ANKFN1: variants seen among roughly 807,000 people sequenced by gnomAD.
ANKFN1 encodes the protein ankyrin repeat and fibronectin type III domain containing 1, also known as ankyrin repeat and fibronectin type-III domain-containing protein 1.
In ANKFN1, 74 loss-of-function variants were observed where a neutral mutation model predicts 108.7. That is an observed-to-expected ratio of 0.68 (90% CI 0.56 to 0.83). The LOEUF is 0.83. Among genes scored for constraint, ANKFN1 ranks in the 40% least tolerant of loss-of-function variants. ANKFN1 has a pLI of 0.00. For synonymous variants in ANKFN1, 547 were observed against 516.2 expected, an observed-to-expected ratio of 1.06 and a Z score of -0.81; for missense variants, 1,505 against 1,382.3, an observed-to-expected ratio of 1.09 and a Z score of -1.41.
At chr17:56,126,488 A>G (rs1745389495) in intron 4 of ANKFN1, among the ~76,000 whole-genome samples, 1 of 151,522 alleles carries the variant, frequency 6.6e-6, no homozygotes, top group African/African-American at 2.4e-5. Context: ...GGATGGCTCC[A>G]TATGTTTACC....
chr17:56,320,076 C>T (rs951049004), intron 3 of ANKFN1, among the ~76,000 whole-genome samples: 5 of 152,162 alleles, frequency 3.3e-5, no homozygotes, highest in African/African-American at 1.2e-4. Context: ...TGAGTTTCCT[C>T]ATCGATAAAA....
intron 4 of ANKFN1, among the ~76,000 whole-genome samples, chr17:56,106,586 T>A (rs1000471943): frequency 6.6e-6 from 1 of 152,230 alleles, no homozygotes; most frequent in Non-Finnish European, 1.5e-5. Flanking sequence ...GATAGAGGGT[T>A]GGAATCTGAA....
chr17:56,507,581 T>C (rs576547372), intron 20 of ANKFN1, among the ~76,000 whole-genome samples: 5 of 152,354 alleles, frequency 3.3e-5, no homozygotes, highest in African/African-American at 9.6e-5. Context: ...CCCTCCTTGA[T>C]GTTTTGGCTT....
chr17:56,278,375 T>G (rs1449920387), intron 3 of ANKFN1, among the ~76,000 whole-genome samples: 1 of 152,216 alleles, frequency 6.6e-6, no homozygotes, highest in Non-Finnish European at 1.5e-5. Flanking sequence ...AATTAGGAAT[T>G]AAGTACATGT....
At chr17:56,197,038 T>G (rs1913577723) in intron 1 of ANKFN1, among the ~76,000 whole-genome samples, 1 of 152,246 alleles carries the variant, frequency 6.6e-6, no homozygotes, top group Non-Finnish European at 1.5e-5. Flanking sequence ...CTTTTGTGCT[T>G]GTTCAAATGA....
intron 2 of ANKFN1, among the ~76,000 whole-genome samples, chr17:56,223,824 A>G (rs1194344548): frequency 1.3e-5 from 2 of 152,238 alleles, no homozygotes; most frequent in Non-Finnish European, 2.9e-5. Flanking sequence ...GGACTTAATG[A>G]AGACAACATA....
intron 1 of ANKFN1, among the ~76,000 whole-genome samples, chr17:56,170,791 T>TATAC (rs1300047113): frequency 1.6e-5 from 1 of 63,328 alleles, no homozygotes; most frequent in Non-Finnish European, 3.6e-5. Flanking sequence ...TATATATATA[T>TATAC]ATATATATAT....
rs952033675 is a variant in ANKFN1, at chr17:56,202,985, C to T, written c.-70-9613C>T. The stretch of plus-strand genomic sequence containing the variant: ...TTTGGGGTCAGGGAATTTTGAGTTA[C>T]TATCACTGTTGTCTTTTTAGATTTC... On this transcript the variant is annotated intron_variant, in intron 1 of 20. Transcript: ENST00000682825. 2.4e-3 allele frequency among the ~76,000 whole-genome samples: 365 copies of T among 152,264 alleles called. 2 individuals are homozygous for T. The highest frequency in any genetic ancestry group is 8.3e-3 in the African/African-American group (347 of 41,564).
chr17:56,163,078 A>T (rs1343770666), intron 1 of ANKFN1, among the ~76,000 whole-genome samples: 1 of 151,970 alleles, frequency 6.6e-6, no homozygotes, highest in East Asian at 1.9e-4. Context: ...GTAATCACTT[A>T]GTAAAGTCTA....
intron 14 of ANKFN1, among the ~76,000 whole-genome samples, chr17:56,464,618 G>T (rs1976911853): frequency 6.6e-6 from 1 of 152,154 alleles, no homozygotes; most frequent in Admixed American, 6.5e-5. Flanking sequence ...TCTGGGATGG[G>T]TCTTGAAAAG....
chr17:56,343,787 G>A (rs1274632702), intron 4 of ANKFN1, among the ~76,000 whole-genome samples: 1 of 151,768 alleles, frequency 6.6e-6, no homozygotes, highest in East Asian at 1.9e-4. Context: ...CCTCATACTG[G>A]ATAATCTTGA....
At chr17:56,438,008 A>G (rs866285611) in intron 8 of ANKFN1, among the ~76,000 whole-genome samples, 132 of 51,602 alleles carry the variant, frequency 2.6e-3, no homozygotes, top group Middle Eastern at 0.011. Flanking sequence ...GTGTGTGTGT[A>G]TACATATATA....
intron 1 of ANKFN1, among the ~76,000 whole-genome samples, chr17:56,173,536 G>C (rs183228019): frequency 4.6e-5 from 7 of 152,176 alleles, no homozygotes; most frequent in Non-Finnish European, 1.0e-4. Context: ...TATAGGAGAA[G>C]AAGGATTTTT....
rs138834225 is a variant in ANKFN1, at chr17:56,197,028, C to A, written c.-70-15570C>A. 4.5e-3 allele frequency among the ~76,000 whole-genome samples: 691 copies of A among 152,300 alleles called. 4 individuals are homozygous for A. Among genetic ancestry groups the A allele is most frequent in the Non-Finnish European group, 7.2e-3 (489 of 68,022 alleles). On this transcript the variant is annotated intron_variant, in intron 1 of 20. Coordinates refer to ENST00000682825, the MANE Select transcript of ANKFN1 (RefSeq NM_001370326.1). ...ATTTCCTAGTACTTCATAAAAAACACTTTTGTGCTTGTTCAAATGAAAGAA... is the reference window on the plus strand; with the variant it reads ...ATTTCCTAGTACTTCATAAAAAACAATTTTGTGCTTGTTCAAATGAAAGAA...
intron 4 of ANKFN1, among the ~76,000 whole-genome samples, chr17:56,110,125 C>A (rs190618321): frequency 1.3e-5 from 2 of 152,308 alleles, no homozygotes; most frequent in East Asian, 3.9e-4. Context: ...ACAGCATCAA[C>A]AAAGAACCCG....
chr17:56,370,429 A>G (rs956723429), intron 6 of ANKFN1, among the ~76,000 whole-genome samples: 3 of 152,254 alleles, frequency 2.0e-5, no homozygotes, highest in African/African-American at 4.8e-5. Context: ...TGTTGTGGAT[A>G]TAAAAATTAA....
chr17:56,138,319 A>G (rs1907709971), intron 4 of ANKFN1, among the ~76,000 whole-genome samples: 1 of 152,172 alleles, frequency 6.6e-6, no homozygotes, highest in Admixed American at 6.5e-5. Flanking sequence ...AAGGTGCAGT[A>G]TTAGTGCCAG....
At chr17:56,067,538 T>C (rs1262016489) in intron 4 of ANKFN1, among the ~76,000 whole-genome samples, 3 of 152,158 alleles carry the variant, frequency 2.0e-5, no homozygotes, top group Non-Finnish European at 2.9e-5. Context: ...GTCAAGAATC[T>C]CAGCTCTGAT....
intron 11 of ANKFN1, among the ~76,000 whole-genome samples, chr17:56,456,334 C>T (rs2049693019): frequency 6.6e-6 from 1 of 151,390 alleles, no homozygotes; most frequent in Admixed American, 6.6e-5. Context: ...TTATCTCCAG[C>T]ATTTTTGAGG....
Sources: gnomAD v4.1 joint callset for allele counts (sites outside exome capture counted in the v4.1 genomes callset) on GRCh38, gnomAD v4.1.1 for gene constraint, MANE v1.5 for transcripts, NCBI Gene and HGNC (gene_info 2026-07-23, HGNC 2026-07-21) for gene names.